The following RALGAPA2 variants were observed in gnomAD, a reference collection of about 807,000 sequenced individuals.
The protein encoded by RALGAPA2 is ral GTPase-activating protein subunit alpha-2.
In RALGAPA2, 139 loss-of-function variants were observed where a neutral mutation model predicts 230.4. The observed-to-expected ratio is 0.60, with a 90% CI of 0.53 to 0.69. The LOEUF (loss-of-function observed/expected upper bound fraction) is 0.69. Ranked by LOEUF, RALGAPA2 falls within the 30% of genes least tolerant of loss-of-function variation. RALGAPA2 has a pLI of 0.00. For missense variants in RALGAPA2, 2,163 were observed against 2,276.0 expected (o/e 0.95, Z 1.01); for synonymous variants, 847 against 837.8 (o/e 1.01, Z -0.19).
At chr20:20,416,047 G>T (rs767757994) in intron 37 of RALGAPA2, among the ~76,000 whole-genome samples, 1 of 152,174 alleles carries the variant, frequency 6.6e-6, no homozygotes, top group Non-Finnish European at 1.5e-5. Context: ...TTTTACATGT[G>T]AGACAGCTGA....
intron 23 of RALGAPA2, among the ~76,000 whole-genome samples, chr20:20,567,852 A>G (rs1474092372): frequency 1.5e-5 from 2 of 136,652 alleles, no homozygotes; most frequent in Non-Finnish European, 3.1e-5. Context: ...TAAAAAAAAA[A>G]GCAATAATAA....
chr20:20,683,720 G>A (rs1013133997), intron 1 of RALGAPA2, among the ~76,000 whole-genome samples: 2 of 152,190 alleles, frequency 1.3e-5, no homozygotes, highest in Admixed American at 6.5e-5. Context: ...AAGACTCGGC[G>A]CAGCCCTTGA....
At chr20:20,504,552 T>C (rs901211839) in intron 34 of RALGAPA2, among the ~76,000 whole-genome samples, 1 of 151,898 alleles carries the variant, frequency 6.6e-6, no homozygotes, top group Non-Finnish European at 1.5e-5. Context: ...TGAAACACCA[T>C]CTCTACTAAA....
chr20:20,658,865 G>A (rs904028780), intron 3 of RALGAPA2, among the ~76,000 whole-genome samples: 1 of 152,194 alleles, frequency 6.6e-6, no homozygotes, highest in African/African-American at 2.4e-5. Flanking sequence ...ATGTCCCAGT[G>A]GATTCACACT....
chr20:20,519,659 ACTT>A (rs1266638015), intron 31 of RALGAPA2, among the ~76,000 whole-genome samples: 3 of 152,050 alleles, frequency 2.0e-5, no homozygotes, highest in African/African-American at 7.2e-5. Context: ...ACCTTTCTCA[ACTT>A]CTTATTTGCT....
intron 27 of RALGAPA2, among the ~76,000 whole-genome samples, chr20:20,530,563 T>C (rs1206085142): frequency 6.6e-6 from 1 of 152,164 alleles, no homozygotes; most frequent in Non-Finnish European, 1.5e-5. Flanking sequence ...GGTCATCCTA[T>C]GGGCAGAAGC....
intron 3 of RALGAPA2, among the ~76,000 whole-genome samples, chr20:20,669,272 G>C (rs1333530147): frequency 6.6e-6 from 1 of 152,164 alleles, no homozygotes; most frequent in Non-Finnish European, 1.5e-5. Flanking sequence ...AAAGGGGATG[G>C]CATACAACAT....
intron 23 of RALGAPA2, among the ~76,000 whole-genome samples, chr20:20,568,777 G>A (rs1030212519): frequency 6.6e-6 from 1 of 152,210 alleles, no homozygotes; most frequent in Admixed American, 6.5e-5. Context: ...GCTGCGTCGT[G>A]CAGACAAGTG....
intron 36 of RALGAPA2, among the ~76,000 whole-genome samples, chr20:20,475,316 A>T (rs184776201): frequency 6.6e-6 from 1 of 152,022 alleles, no homozygotes; most frequent in Non-Finnish European, 1.5e-5. Flanking sequence ...ATCCTTTATA[A>T]TTTTTTTGTA....
chr20:20,468,791 C>G (rs1220028278), intron 37 of RALGAPA2, among the ~76,000 whole-genome samples: 1 of 151,932 alleles, frequency 6.6e-6, no homozygotes. Context: ...CTCTCCACAC[C>G]CCCACAAATC....
At position 20,584,873 on chromosome 20, in the gene RALGAPA2, C is replaced by T. The variant is rs2065087113; in HGVS notation, c.2522G>A (p.Arg841Lys). 1.9e-6 allele frequency: 3 copies of T among 1,607,460 alleles called. No individual in the cohort carries two copies. The highest frequency in any genetic ancestry group is 2.2e-5 in the East Asian group (1 of 44,778). ...CATTTCCCGGAACTTACTCTTCTGT[C>T]TTTCCCTACATTTTCCTTGTGTCTG... ...LQQTQGKCRE[R>K]QKSESTNSDT... Residue 841 changes from arginine (R) to lysine (K), a missense_variant, in exon 19 of 40, where the codon AGA becomes AAA. Arg to Lys is a conservative substitution (Grantham distance 26). Coordinates refer to ENST00000202677, the MANE Select transcript of RALGAPA2 (RefSeq NM_020343.4).
intron 30 of RALGAPA2, among the ~76,000 whole-genome samples, chr20:20,523,443 C>T (rs1260200274): frequency 2.6e-5 from 4 of 152,100 alleles, no homozygotes; most frequent in Non-Finnish European, 4.4e-5. Context: ...AAACCTTTTT[C>T]TTCCTTTGAT....
intron 36 of RALGAPA2, among the ~76,000 whole-genome samples, chr20:20,480,862 T>C (rs1244553181): frequency 2.0e-5 from 3 of 152,230 alleles, no homozygotes; most frequent in Non-Finnish European, 4.4e-5. Flanking sequence ...GAGTGACTCA[T>C]AAGTGCCCTC....
chr20:20,511,773 T>A (rs1044873376), intron 32 of RALGAPA2, among the ~76,000 whole-genome samples: 2 of 152,236 alleles, frequency 1.3e-5, no homozygotes, highest in Non-Finnish European at 2.9e-5. Context: ...CTATCCTTTA[T>A]CAGAGTTGTA....
Position 20,571,456 on chromosome 20 carries a change from A to AC in RALGAPA2, c.3156+1dup. 1 of 1,610,332 alleles carries AC rather than the reference A, an allele frequency of 6.2e-7. No homozygotes were observed. The highest frequency in any genetic ancestry group is 8.5e-7 in the Non-Finnish European group (1 of 1,178,540). ...AATCACAATAAAGGAGTCGCAGAAT[A>AC]CCTGATCCTCGCTGGTTAATCCCAG... On this transcript the variant is annotated splice_donor_variant, in intron 23 of 39. Transcript: ENST00000202677. LOFTEE classifies it high-confidence loss of function.
At chr20:20,508,213 GC>G (rs1266573994) in intron 33 of RALGAPA2, among the ~76,000 whole-genome samples, 1 of 152,206 alleles carries the variant, frequency 6.6e-6, no homozygotes, top group Non-Finnish European at 1.5e-5. Context: ...CAGAGAGCCT[GC>G]TAGGATGCAG....
intron 38 of RALGAPA2, among the ~76,000 whole-genome samples, chr20:20,410,447 A>G (rs2122755922): frequency 6.6e-6 from 1 of 152,370 alleles, no homozygotes; most frequent in South Asian, 2.1e-4. Flanking sequence ...ACAAAAAACA[A>G]AAAACAACCT....
chr20:20,525,046 T>C (rs2063158753), intron 28 of RALGAPA2, 148 bp from the exon 29 acceptor site: 3 of 627,762 alleles, frequency 4.8e-6, no homozygotes, highest in South Asian at 2.3e-5. Flanking sequence ...GGGCCAGCTG[T>C]GTGGTGATCT....
intron 3 of RALGAPA2, among the ~76,000 whole-genome samples, chr20:20,675,600 C>G (rs960791168): frequency 6.6e-6 from 1 of 152,134 alleles, no homozygotes; most frequent in Admixed American, 6.5e-5. Context: ...GTAATCTGGC[C>G]ACTTATCTAA....
Sources: gnomAD v4.1 joint callset for allele counts (sites outside exome capture counted in the v4.1 genomes callset) on GRCh38, gnomAD v4.1.1 for gene constraint, MANE v1.5 for transcripts, NCBI Gene and HGNC (gene_info 2026-07-23, HGNC 2026-07-21) for gene names.